Variants in TRAPPC9 observed in about 807,000 individuals in gnomAD.
TRAPPC9 encodes trafficking protein particle complex subunit 9.
A neutral mutation model predicts 124.0 loss-of-function variants in TRAPPC9; 83 were observed. That is an observed-to-expected ratio of 0.67 (90% CI 0.56 to 0.80). TRAPPC9 has a LOEUF of 0.80. TRAPPC9 is among the 30% of genes least tolerant of loss of function. The pLI, the probability that TRAPPC9 is intolerant of heterozygous loss-of-function variation, is 0.00. For synonymous variants in TRAPPC9, 638 were observed against 617.5 expected, an observed-to-expected ratio of 1.03 and a Z score of -0.49; for missense variants, 1,302 against 1,508.3, an observed-to-expected ratio of 0.86 and a Z score of 2.27.
At chr8:140,352,196 G>A (rs191984684) in intron 9 of TRAPPC9, among the ~76,000 whole-genome samples, 28 of 152,348 alleles carry the variant, frequency 1.8e-4, no homozygotes, top group Admixed American at 1.5e-3. Flanking sequence ...GCAGGGATGA[G>A]TAGTTCACTT....
At chr8:139,759,868 G>C (rs975241139) in intron 21 of TRAPPC9, among the ~76,000 whole-genome samples, 1 of 152,144 alleles carries the variant, frequency 6.6e-6, no homozygotes, top group African/African-American at 2.4e-5. Flanking sequence ...GCAGCCTGCC[G>C]GCAGCCAGCA....
Position 139,776,335 on chromosome 8 carries a change from C to T in TRAPPC9, c.3056-44133G>A, listed in dbSNP as rs2169280. ...ACAGGGGACGTCAGCTGCTATGTGA[C>T]GTCATCTCACTCGTCACAACATAGT... On this transcript the variant is annotated intron_variant, in intron 21 of 22. Coordinates refer to ENST00000438773, the MANE Select transcript of TRAPPC9 (RefSeq NM_001160372.4). This position sits in a 1 kb window ranked among gnomAD's most constrained non-coding sequence, Gnocchi z 4.1. 1.5e-4 allele frequency among the ~76,000 whole-genome samples: 23 copies of T among 152,204 alleles called. No homozygotes were observed. The highest frequency in any genetic ancestry group is 5.9e-5 in the Non-Finnish European group (4 of 68,040).
chr8:140,212,557 T>C (rs1385220501), intron 17 of TRAPPC9, among the ~76,000 whole-genome samples: 1 of 152,056 alleles, frequency 6.6e-6, no homozygotes, highest in Admixed American at 6.5e-5. Context: ...TTGTACTCTT[T>C]GGGGATTTTT....
At chr8:140,392,199 A>G (rs1412133585) in intron 7 of TRAPPC9, among the ~76,000 whole-genome samples, 1 of 152,214 alleles carries the variant, frequency 6.6e-6, no homozygotes, top group African/African-American at 2.4e-5. Flanking sequence ...TCAATTTCTC[A>G]TCCTTAAAAT....
intron 19 of TRAPPC9, chr8:139,932,138 G>T: frequency 2.8e-6 from 1 of 362,404 alleles, no homozygotes; most frequent in South Asian, 2.0e-5. Flanking sequence ...CTGGCCCAAA[G>T]GCAGGGCTTT....
chr8:139,858,947 T>C (rs896759206), intron 21 of TRAPPC9, among the ~76,000 whole-genome samples: 1 of 147,850 alleles, frequency 6.8e-6, no homozygotes, highest in Non-Finnish European at 1.5e-5. Flanking sequence ...AGCCGTCTCC[T>C]CTGCTTCTGC....
At chr8:139,772,334 C>T (rs1006561487) in intron 21 of TRAPPC9, among the ~76,000 whole-genome samples, 1 of 152,234 alleles carries the variant, frequency 6.6e-6, no homozygotes, top group Non-Finnish European at 1.5e-5. Flanking sequence ...TTTCACATCA[C>T]CTCATGGGAA....
intron 12 of TRAPPC9, among the ~76,000 whole-genome samples, chr8:140,289,658 T>A (rs1316380197): frequency 6.8e-6 from 1 of 147,828 alleles, no homozygotes; most frequent in East Asian, 2.0e-4. Context: ...TTAAACCAGA[T>A]AAAAATGAAA....
chr8:140,068,409 A>G (rs1167201223), intron 17 of TRAPPC9, among the ~76,000 whole-genome samples: 1 of 152,184 alleles, frequency 6.6e-6, no homozygotes, highest in African/African-American at 2.4e-5. Flanking sequence ...GAGAAGTCAC[A>G]GTCACCTCGC....
intron 18 of TRAPPC9, among the ~76,000 whole-genome samples, chr8:139,999,063 C>T (rs868849312): frequency 1.3e-5 from 2 of 151,938 alleles, no homozygotes; most frequent in Admixed American, 6.5e-5. Flanking sequence ...CAATAAACAA[C>T]AGAGTGAATA....
rs761031472 is a variant in TRAPPC9, at chr8:140,287,723, G to A, written c.1866C>T (p.Thr622=). 3.7e-5 allele frequency: 59 copies of A among 1,614,054 alleles called. 1 individual carries two copies. The Admixed American group carries it at 7.7e-4, about 21-fold the overall frequency. The change falls in exon 13 of 23, where the codon ACC becomes ACT. Residue 622 remains threonine, a synonymous_variant. Coordinates refer to ENST00000438773, the MANE Select transcript of TRAPPC9 (RefSeq NM_001160372.4). The stretch of plus-strand genomic sequence containing the variant: ...GGAGAGACTCGAACTCCACTCCGCT[G>A]GTGAGCAGCCCCTAAACCAAGCGAC... ...ELRVENMGLL[T]SGVEFESLPA...
At chr8:139,840,982 T>C (rs1206182522) in intron 21 of TRAPPC9, among the ~76,000 whole-genome samples, 1 of 152,208 alleles carries the variant, frequency 6.6e-6, no homozygotes, top group African/African-American at 2.4e-5. Context: ...TTCCTATTGC[T>C]GTGGTTTGAA....
chr8:140,302,774 T>C (rs998778043), intron 10 of TRAPPC9: 2 of 152,216 alleles, frequency 1.3e-5, no homozygotes, highest in African/African-American at 2.4e-5. Context: ...TGGCCTCAAG[T>C]GCCTCGTGTG....
intron 17 of TRAPPC9, among the ~76,000 whole-genome samples, chr8:140,085,364 C>T (rs1190317750): frequency 6.8e-6 from 1 of 147,938 alleles, no homozygotes; most frequent in Admixed American, 6.7e-5. Flanking sequence ...GGCTTGGAAA[C>T]CACTGGTCTA....
At chr8:140,164,250 C>G (rs942137635) in intron 17 of TRAPPC9, among the ~76,000 whole-genome samples, 21 of 152,214 alleles carry the variant, frequency 1.4e-4, no homozygotes, top group African/African-American at 5.1e-4. Flanking sequence ...CTCACTGTAC[C>G]CCAGTGGCTC....
chr8:140,391,282 A>G (rs2068915692), intron 7 of TRAPPC9, among the ~76,000 whole-genome samples: 1 of 152,232 alleles, frequency 6.6e-6, no homozygotes, highest in Non-Finnish European at 1.5e-5. Flanking sequence ...TGGGAGGCAA[A>G]GGGTGTTGGA....
intron 19 of TRAPPC9, among the ~76,000 whole-genome samples, chr8:139,948,248 AACACACACACACACAC>A (rs141771160): frequency 0.39 from 55,736 of 144,638 alleles, 12,790 homozygotes; most frequent in Non-Finnish European, 0.51. Context: ...TGGTTCATAA[AACACACACACACACAC>A]ACACACACAC....
In TRAPPC9 at chr8:140,252,268, C is replaced by T. The variant is rs760842510; in HGVS notation, c.2431+509G>A. Reference sequence around the variant, plus strand: ...CTGAAAGTCCTGGCCTCAGGTGATCCGCCCGCCCTGGCCTCCCAGAGTGCT... The same window carrying T: ...CTGAAAGTCCTGGCCTCAGGTGATCTGCCCGCCCTGGCCTCCCAGAGTGCT... On this transcript the variant is annotated intron_variant, in intron 16 of 22. Coordinates refer to ENST00000438773, the MANE Select transcript of TRAPPC9 (RefSeq NM_001160372.4). This position sits in a 1 kb window ranked among gnomAD's most constrained non-coding sequence, Gnocchi z 4.2. Among the ~76,000 whole-genome samples the T allele has an allele frequency of 2.4e-4, 36 of 152,224 alleles. No homozygotes were observed. The highest frequency in any genetic ancestry group is 4.6e-4 in the Non-Finnish European group (31 of 68,016).
intron 21 of TRAPPC9, among the ~76,000 whole-genome samples, chr8:139,874,875 C>T (rs977526551): frequency 1.6e-4 from 24 of 152,126 alleles, no homozygotes; most frequent in South Asian, 2.1e-4. Context: ...GTCCCACACG[C>T]GCATAACCGG....
Sources: allele counts gnomAD v4.1 joint callset (sites outside exome capture counted in the v4.1 genomes callset), GRCh38; gene constraint gnomAD v4.1.1; non-coding constraint Gnocchi (gnomAD v3.1); transcripts MANE v1.5; gene names NCBI Gene and HGNC (gene_info 2026-07-23, HGNC 2026-07-21).